Variants in GABBR2 observed in about 807,000 individuals in gnomAD.
The protein encoded by GABBR2 is G-protein coupled receptor 51.
In GABBR2, 23 loss-of-function variants were observed where a neutral mutation model predicts 105.6. That is an observed-to-expected ratio of 0.22 (90% CI 0.16 to 0.31). GABBR2 has a LOEUF of 0.31. GABBR2 is among the 10% of genes least tolerant of loss of function. The probability of loss-of-function intolerance (pLI) is 1.00; values close to 1 mark genes in which losing one functional copy is unlikely to be tolerated. For synonymous variants in GABBR2, 478 were observed against 499.7 expected, an observed-to-expected ratio of 0.96 and a Z score of 0.58; for missense variants, 734 against 1,245.5, an observed-to-expected ratio of 0.59 and a Z score of 6.18.
chr9:98,607,331 C>T (rs1829440942), intron 1 of GABBR2: 5 of 770,412 alleles, frequency 6.5e-6, no homozygotes, highest in South Asian at 4.3e-5. Context: ...ATTGCTCCTT[C>T]AGGACATGGA....
At chr9:98,696,309 T>C (rs1228216340) in intron 1 of GABBR2, among the ~76,000 whole-genome samples, 1 of 152,190 alleles carries the variant, frequency 6.6e-6, no homozygotes, top group African/African-American at 2.4e-5. Context: ...ACCATGTGGC[T>C]GGGCCTGAAG....
chr9:98,410,189 T>A (rs947840276), intron 7 of GABBR2, among the ~76,000 whole-genome samples: 3 of 152,118 alleles, frequency 2.0e-5, no homozygotes, highest in Non-Finnish European at 4.4e-5. Flanking sequence ...TATGTAGAGA[T>A]AAATATCATG....
intron 2 of GABBR2, among the ~76,000 whole-genome samples, chr9:98,549,724 G>A (rs1169611471): frequency 6.6e-6 from 1 of 152,222 alleles, no homozygotes; most frequent in Non-Finnish European, 1.5e-5. Context: ...TGGATCACCA[G>A]CATTCTCTTT....
At chr9:98,556,539 G>A (rs965697842) in intron 2 of GABBR2, among the ~76,000 whole-genome samples, 3 of 152,226 alleles carry the variant, frequency 2.0e-5, no homozygotes, top group African/African-American at 7.2e-5. Context: ...CCATGGGGCA[G>A]GGGGTCATCC....
At position 98,306,045 on chromosome 9, in the gene GABBR2, G is replaced by T; in HGVS notation, c.2229+76C>A. On this transcript the variant is annotated intron_variant, in intron 15 of 18. Transcript: ENST00000259455. This position sits in a 1 kb window ranked among gnomAD's most constrained non-coding sequence, Gnocchi z 5.4. ...AAAAGGAATGGGTAAACCTTTTAGA[G>T]AATGGAGAAAAGCCAGCAATGCCCC... The T allele has an allele frequency of 2.2e-6, 2 of 924,874 alleles. No homozygotes were observed. The highest frequency in any genetic ancestry group is 2.6e-5 in the East Asian group (1 of 38,778). The allele number at this position is 924,874 out of a possible 1,614,324, so 57.3% of individuals were successfully genotyped here. A position where few individuals can be genotyped will look rare whatever the true frequency, so the allele number is the denominator to read the frequency against.
chr9:98,520,674 A>G lies in GABBR2; in HGVS notation c.630+21199T>C, dbSNP rs576907393. Among the ~76,000 whole-genome samples, 8 of 152,298 alleles carry G rather than the reference A, an allele frequency of 5.3e-5. No individual in the cohort carries two copies. In the East Asian group the frequency reaches 1.5e-3, roughly 29 times the overall value. On this transcript the variant is annotated intron_variant, in intron 3 of 18. Coordinates refer to ENST00000259455, the MANE Select transcript of GABBR2 (RefSeq NM_005458.8). ...GCACAAGGCTTTCAAAGGGGATGGA[A>G]ACTTGGAGGCAGGGGAATGGTTTCT...
At chr9:98,391,529 A>G (rs1399790648) in intron 9 of GABBR2, among the ~76,000 whole-genome samples, 2 of 152,206 alleles carry the variant, frequency 1.3e-5, no homozygotes, top group African/African-American at 4.8e-5. Context: ...AGCAGAGTGC[A>G]GTCCTGCCTG....
In GABBR2 at chr9:98,331,396, C is replaced by CTTTTTTTTTT. The variant is rs142735341; in HGVS notation, c.1894-20201_1894-20192dup. On this transcript the variant is annotated intron_variant, in intron 13 of 18. Transcript: ENST00000259455. ...AAGACTTGGGGGAAAAGTCCCTCTT[C>CTTTTTTTTTT]TTTTTTTTTTTTTTTTTTTTTTTTT... Among the ~76,000 whole-genome samples, 31 of 76,020 alleles carry CTTTTTTTTTT rather than the reference C, an allele frequency of 4.1e-4. 1 individual carries two copies. Among genetic ancestry groups the CTTTTTTTTTT allele is most frequent in the South Asian group, 9.7e-4 (2 of 2,062 alleles). 49.9% of individuals were successfully genotyped at this position (76,020 alleles called of 152,430 possible). A position where few individuals can be genotyped will look rare whatever the true frequency, so the allele number is the denominator to read the frequency against.
At chr9:98,512,378 A>G (rs1429027540) in intron 3 of GABBR2, among the ~76,000 whole-genome samples, 1 of 151,184 alleles carries the variant, frequency 6.6e-6, no homozygotes, top group Admixed American at 6.6e-5. Flanking sequence ...CACCACTCCT[A>G]TTCAACATAG....
chr9:98,616,543 CAGG>C (rs1015233686), intron 1 of GABBR2, among the ~76,000 whole-genome samples: 10 of 152,270 alleles, frequency 6.6e-5, no homozygotes, highest in Admixed American at 6.5e-4. Flanking sequence ...CATTTGAGGT[CAGG>C]AGTTCAATAC....
At chr9:98,341,899 G>T (rs1187040587) in intron 13 of GABBR2, among the ~76,000 whole-genome samples, 2 of 152,204 alleles carry the variant, frequency 1.3e-5, no homozygotes, top group Non-Finnish European at 2.9e-5. Flanking sequence ...GGCCCAGACA[G>T]ATGGGTTGAA....
chr9:98,700,553 G>A (rs1350534030), intron 1 of GABBR2, among the ~76,000 whole-genome samples: 1 of 152,190 alleles, frequency 6.6e-6, no homozygotes, highest in South Asian at 2.1e-4. Flanking sequence ...ACAGCATCAT[G>A]GACAGAGCAT....
intron 3 of GABBR2, among the ~76,000 whole-genome samples, chr9:98,513,597 G>C (rs1392951848): frequency 6.6e-6 from 1 of 151,512 alleles, no homozygotes; most frequent in Non-Finnish European, 1.5e-5. Context: ...GTGGGCGAAG[G>C]ATATGAACAG....
chr9:98,368,883 C>G (rs1831728739), intron 12 of GABBR2, among the ~76,000 whole-genome samples: 1 of 152,224 alleles, frequency 6.6e-6, no homozygotes, highest in Admixed American at 6.5e-5. Context: ...TCCTGGGCTC[C>G]TCCCAAGGAT....
intron 7 of GABBR2, among the ~76,000 whole-genome samples, chr9:98,434,861 GCCTC>G (rs1256774698): frequency 2.0e-5 from 3 of 152,222 alleles, no homozygotes; most frequent in Non-Finnish European, 4.4e-5. Context: ...ACCCTGAGAT[GCCTC>G]CAGGGACACA....
intron 7 of GABBR2, among the ~76,000 whole-genome samples, chr9:98,453,509 A>G (rs1286340385): frequency 1.3e-5 from 2 of 152,260 alleles, no homozygotes; most frequent in Non-Finnish European, 2.9e-5. Flanking sequence ...TGTCATACAT[A>G]GTTCATCCTA....
At position 98,582,321 on chromosome 9, in the gene GABBR2, G is replaced by A. The variant is rs1441867950; in HGVS notation, c.322-4249C>T. Among the ~76,000 whole-genome samples the A allele has an allele frequency of 2.0e-5, 3 of 152,162 alleles. No homozygotes were observed. The East Asian group carries it at 5.8e-4, about 29-fold the overall frequency. On this transcript the variant is annotated intron_variant, in intron 1 of 18. Transcript: ENST00000259455. ...TTGGTTTGAAGATGAAGAGGTCCAC[G>A]TGTCAAGAAAGCAGGGACCTCTGTT... is the stretch of plus-strand genomic sequence containing the variant.
intron 1 of GABBR2, among the ~76,000 whole-genome samples, chr9:98,695,624 AATG>A (rs1208988382): frequency 2.0e-5 from 3 of 152,222 alleles, no homozygotes; most frequent in Non-Finnish European, 4.4e-5. Flanking sequence ...ATTATAATAA[AATG>A]ATAACAGTAA....
At chr9:98,640,218 A>G (rs1488471163) in intron 1 of GABBR2, among the ~76,000 whole-genome samples, 1 of 151,260 alleles carries the variant, frequency 6.6e-6, no homozygotes, top group Admixed American at 6.6e-5. Context: ...GGTCTTATTC[A>G]CTTTTGGATC....
Sources: gnomAD v4.1 joint callset for allele counts (sites outside exome capture counted in the v4.1 genomes callset) on GRCh38, gnomAD v4.1.1 for gene constraint, Gnocchi (gnomAD v3.1) non-coding constraint, MANE v1.5 for transcripts, NCBI Gene and HGNC (gene_info 2026-07-23, HGNC 2026-07-21) for gene names.